SLC5A1: variants seen among roughly 807,000 people sequenced by gnomAD.
The protein encoded by SLC5A1 is solute carrier family 5 member 1, also known as sodium/glucose cotransporter 1.
In SLC5A1, 42 loss-of-function variants were observed where a neutral mutation model predicts 73.5. That is an observed-to-expected ratio of 0.57 (90% CI 0.45 to 0.74). The LOEUF (loss-of-function observed/expected upper bound fraction) is 0.74, where lower values mean the gene tolerates loss of function less well. Among genes scored for constraint, SLC5A1 ranks in the 30% least tolerant of loss-of-function variants. The probability of loss-of-function intolerance (pLI) is 0.00; values close to 1 mark genes in which losing one functional copy is unlikely to be tolerated. For missense variants in SLC5A1, 634 were observed against 855.4 expected (o/e 0.74, Z 3.23); for synonymous variants, 300 against 317.4 (o/e 0.95, Z 0.58).
At chr22:32,058,743 C>T (rs1408382622) in intron 2 of SLC5A1, among the ~76,000 whole-genome samples, 1 of 152,146 alleles carries the variant, frequency 6.6e-6, no homozygotes, top group Non-Finnish European at 1.5e-5. Flanking sequence ...GTCAGTTCCC[C>T]TTATGGTCTT....
At chr22:32,108,108 ATT>A (rs747034400) in intron 14 of SLC5A1, among the ~76,000 whole-genome samples, 11 of 142,500 alleles carry the variant, frequency 7.7e-5, no homozygotes, top group Middle Eastern at 3.7e-3. Context: ...AGGCCATTCA[ATT>A]TTTTTTTTTT....
chr22:32,088,799 T>G (rs979500437), intron 10 of SLC5A1, among the ~76,000 whole-genome samples: 5 of 152,224 alleles, frequency 3.3e-5, no homozygotes, highest in African/African-American at 1.2e-4. Context: ...CCTGTTTGTC[T>G]TTTTAAATTT....
rs200308405 is a variant in SLC5A1, at chr22:32,086,252, G to A, written c.1054G>A (p.Glu352Lys). ...TGCCTGTGTCGTCCCTTCAGAATGT[G>A]AGAAATATTGCGGTACCAAGGTTGG... ...KIACVVPSEC[E>K]KYCGTKVGCT... Residue 352 changes from glutamate (E) to lysine (K), a missense_variant, in exon 10 of 15, where the codon GAG becomes AAG. Glu to Lys is a moderately conservative substitution (Grantham distance 56). Coordinates refer to ENST00000266088, the MANE Select transcript of SLC5A1 (RefSeq NM_000343.4). 193 of 1,613,872 alleles carry A rather than the reference G, an allele frequency of 1.2e-4. No individual in the cohort carries two copies. Among genetic ancestry groups the A allele is most frequent in the Non-Finnish European group, 1.6e-4 (190 of 1,179,904 alleles).
chr22:32,072,264 C>G (rs1431737553), intron 5 of SLC5A1, among the ~76,000 whole-genome samples: 1 of 152,104 alleles, frequency 6.6e-6, no homozygotes. Context: ...TCCTTGTGTC[C>G]ATGTGTACTC....
In SLC5A1 at chr22:32,079,644, T is replaced by C. The variant is rs559652495; in HGVS notation, c.478-2222T>C. ...TTTAAAGGCAGTGTCAGCTTTGTAA[T>C]CTTTTCCTATCTTATTTACACTTAT... On this transcript the variant is annotated intron_variant, in intron 5 of 14. Transcript: ENST00000266088. 1.8e-4 allele frequency among the ~76,000 whole-genome samples: 27 copies of C among 152,302 alleles called. 1 individual carries two copies. The South Asian group carries it at 5.4e-3, about 30-fold the overall frequency.
intron 1 of SLC5A1, among the ~76,000 whole-genome samples, chr22:32,048,836 C>T (rs1322478140): frequency 2.0e-5 from 3 of 151,990 alleles, no homozygotes; most frequent in African/African-American, 7.3e-5. Flanking sequence ...TTTGGGAGGC[C>T]GAAGCAGGCA....
intron 2 of SLC5A1, chr22:32,059,064 G>A: frequency 2.0e-6 from 2 of 982,726 alleles, no homozygotes; most frequent in Non-Finnish European, 2.4e-6. Context: ...CTTGCCATGT[G>A]CAAAGAATGT....
chr22:32,094,753 A>G (rs1041614121), intron 11 of SLC5A1, among the ~76,000 whole-genome samples: 8 of 151,498 alleles, frequency 5.3e-5, no homozygotes, highest in Non-Finnish European at 1.2e-4. Flanking sequence ...TAATCTTGCT[A>G]ATGGTCTATC....
At chr22:32,057,037 A>C (rs2093952891) in intron 2 of SLC5A1, among the ~76,000 whole-genome samples, 1 of 152,182 alleles carries the variant, frequency 6.6e-6, no homozygotes, top group East Asian at 1.9e-4. Context: ...AGTGGAAGAG[A>C]CTGAGGCTAA....
At chr22:32,059,824 C>A (rs566801189) in intron 2 of SLC5A1, among the ~76,000 whole-genome samples, 1 of 152,128 alleles carries the variant, frequency 6.6e-6, no homozygotes, top group South Asian at 2.1e-4. Flanking sequence ...GATTTCCAGT[C>A]GAAATATCTT....
At chr22:32,086,647 T>C (rs1483470956) in intron 10 of SLC5A1, among the ~76,000 whole-genome samples, 1 of 152,088 alleles carries the variant, frequency 6.6e-6, no homozygotes, top group African/African-American at 2.4e-5. Context: ...TCTCCAACAG[T>C]GGATGTAAAT....
chr22:32,108,508 G>C lies in SLC5A1; in HGVS notation c.1772-1482G>C. On this transcript the variant is annotated intron_variant, in intron 14 of 14. Transcript: ENST00000266088. The stretch of plus-strand genomic sequence containing the variant: ...TCCCACTCTGCTATTTTGGTGGAGT[G>C]AGTCAAAGGGGAGAGGTGTGAGTGT... Among the ~76,000 whole-genome samples, 2 of 152,118 alleles carry C rather than the reference G, an allele frequency of 1.3e-5. 1 individual carries two copies. Among genetic ancestry groups the C allele is most frequent in the Non-Finnish European group, 2.9e-5 (2 of 68,028 alleles).
chr22:32,099,679 A>G (rs1262026719), intron 12 of SLC5A1, among the ~76,000 whole-genome samples: 1 of 152,062 alleles, frequency 6.6e-6, no homozygotes, highest in Non-Finnish European at 1.5e-5. Context: ...CTCCCACCTC[A>G]GCCTCCCAAA....
chr22:32,058,095 T>C (rs376815216), intron 2 of SLC5A1, among the ~76,000 whole-genome samples: 41 of 152,324 alleles, frequency 2.7e-4, no homozygotes, highest in African/African-American at 9.6e-4. Context: ...TATATATATG[T>C]ATACACAGGT....
At chr22:32,087,093 G>A (rs1048370263) in intron 10 of SLC5A1, among the ~76,000 whole-genome samples, 4 of 152,168 alleles carry the variant, frequency 2.6e-5, no homozygotes, top group Non-Finnish European at 4.4e-5. Flanking sequence ...GTGGTTACTA[G>A]GGGTTGGGGT....
chr22:32,107,867 C>A (rs1723773302), intron 14 of SLC5A1, among the ~76,000 whole-genome samples: 1 of 152,104 alleles, frequency 6.6e-6, no homozygotes, highest in African/African-American at 2.4e-5. Flanking sequence ...TGAGAAACAG[C>A]AACACAAGGA....
chr22:32,066,662 C>T (rs1003252732), intron 2 of SLC5A1, among the ~76,000 whole-genome samples: 3 of 152,308 alleles, frequency 2.0e-5, no homozygotes, highest in South Asian at 2.1e-4. Context: ...GGATTGGACA[C>T]GGGGCCCACA....
At chr22:32,091,218 A>C (rs1387251140) in intron 10 of SLC5A1, among the ~76,000 whole-genome samples, 2 of 151,938 alleles carry the variant, frequency 1.3e-5, no homozygotes, top group African/African-American at 4.8e-5. Flanking sequence ...ATAATAGTTT[A>C]AATCTCTTTC....
rs1220652180 is a variant in SLC5A1 at position 32,043,789 on chromosome 22, C to T, written c.135+373C>T. Among the ~76,000 whole-genome samples the T allele has an allele frequency of 6.6e-6, 1 of 152,142 alleles. No homozygotes were observed. Among genetic ancestry groups the T allele is most frequent in the Non-Finnish European group, 1.5e-5 (1 of 68,032 alleles). On this transcript the variant is annotated intron_variant, in intron 1 of 14. Transcript: ENST00000266088. This position sits in a 1 kb window ranked among gnomAD's most constrained non-coding sequence, Gnocchi z 6.5. The stretch of plus-strand genomic sequence containing the variant: ...GAGCCTCTAGCAGGTGACTACTGTC[C>T]TACCTTTTAGTCATCCAGTTTCAGA...
Sources: gnomAD v4.1 joint callset for allele counts (sites outside exome capture counted in the v4.1 genomes callset) on GRCh38, gnomAD v4.1.1 for gene constraint, Gnocchi (gnomAD v3.1) non-coding constraint, MANE v1.5 for transcripts, NCBI Gene and HGNC (gene_info 2026-07-23, HGNC 2026-07-21) for gene names.